Variants in URAD observed in about 807,000 individuals in gnomAD.
URAD encodes the protein ureidoimidazoline (2-oxo-4-hydroxy-4-carboxy-5-) decarboxylase, also known as putative 2-oxo-4-hydroxy-4-carboxy-5-ureidoimidazoline decarboxylase.
A neutral mutation model predicts 4.6 loss-of-function variants in URAD; 4 were observed. The ratio of observed to expected loss-of-function variants is 0.87; its 90% CI spans 0.43 to 1.98. URAD has a LOEUF of 1.98. URAD is among the 30% of genes most tolerant of loss of function. URAD has a pLI of 0.03. For synonymous variants in URAD, 144 were observed against 118.2 expected, an observed-to-expected ratio of 1.22 and a Z score of -1.41; for missense variants, 300 against 255.3, an observed-to-expected ratio of 1.18 and a Z score of -1.19.
chr13:27,982,344 C>A (rs1869901856), intron 1 of URAD, among the ~76,000 whole-genome samples: 1 of 152,082 alleles, frequency 6.6e-6, no homozygotes, highest in Admixed American at 6.6e-5. Context: ...TTACTTGAAC[C>A]CGGGAGGCGG....
chr13:27,988,269 T>C (rs1243270855), intron 1 of URAD, among the ~76,000 whole-genome samples, 194 bp downstream of exon 1: 1 of 152,094 alleles, frequency 6.6e-6, no homozygotes, highest in Non-Finnish European at 1.5e-5. Flanking sequence ...CTAAAAGCAA[T>C]TTTTGTAGCA....
chr13:27,979,885 G>C (rs1238946409), intron 1 of URAD, among the ~76,000 whole-genome samples: 1 of 152,190 alleles, frequency 6.6e-6, no homozygotes, highest in Non-Finnish European at 1.5e-5. Context: ...CCGTGTAAGA[G>C]AGGATTCAGT....
At chr13:27,978,701 G>C (rs1302167148) in intron 1 of URAD, among the ~76,000 whole-genome samples, 8 of 152,306 alleles carry the variant, frequency 5.3e-5, no homozygotes, top group African/African-American at 1.9e-4. Flanking sequence ...ACATTCGGTC[G>C]GGACCAGGAT....
chr13:27,988,379 A>T, intron 1 of URAD, 84 bp downstream of exon 1: 1 of 1,385,016 alleles, frequency 7.2e-7, no homozygotes, highest in Non-Finnish European at 9.7e-7. Context: ...GGTGTGAGCC[A>T]CCATTCCTGG....
rs1869766286 is a variant in URAD at position 27,978,166 on chromosome 13, C to T, written c.462G>A (p.Val154=). Residue 154 remains valine (V), a synonymous_variant, in exon 2 of 2, where the codon GTG becomes GTA. Coordinates refer to ENST00000332715, the MANE Select transcript of URAD (RefSeq NM_001105577.2). ...CCAGGCGCAGGCTGCCGATCTTCTT[C>T]ACCTCGCCCAGAGCAGTGCGCAGCT... ...AQELRTALGE[V]KKIGSLRLAD... 6.5e-7 allele frequency: 1 copy of T among 1,534,218 alleles called. No homozygotes were observed. The highest frequency in any genetic ancestry group is 8.7e-7 in the Non-Finnish European group (1 of 1,153,092).
At chr13:27,981,851 C>A (rs567680118) in intron 1 of URAD, among the ~76,000 whole-genome samples, 2 of 152,158 alleles carry the variant, frequency 1.3e-5, no homozygotes, top group African/African-American at 4.8e-5. Flanking sequence ...GCCTTAGAAT[C>A]CCTCATCCCA....
intron 1 of URAD, among the ~76,000 whole-genome samples, chr13:27,983,950 CTTA>C (rs1232104252): frequency 6.6e-6 from 1 of 152,202 alleles, no homozygotes; most frequent in East Asian, 1.9e-4. Flanking sequence ...TTATAAGGAA[CTTA>C]TTAGTATCCA....
intron 1 of URAD, among the ~76,000 whole-genome samples, chr13:27,982,281 T>C (rs1869899535): frequency 6.6e-6 from 1 of 152,034 alleles, no homozygotes; most frequent in African/African-American, 2.4e-5. Context: ...ATACAAAAAT[T>C]AGCTGGGCAT....
At chr13:27,980,470 C>T (rs1428007008) in intron 1 of URAD, among the ~76,000 whole-genome samples, 1 of 152,236 alleles carries the variant, frequency 6.6e-6, no homozygotes, top group African/African-American at 2.4e-5. Context: ...CGCGCTCACC[C>T]AGGCCCAGGA....
chr13:27,986,366 C>T (rs1340801554), intron 1 of URAD, among the ~76,000 whole-genome samples: 1 of 152,198 alleles, frequency 6.6e-6, no homozygotes, highest in Non-Finnish European at 1.5e-5. Context: ...GTCACGGGGG[C>T]ATCAAAACAA....
At chr13:27,987,941 A>G (rs1010041260) in intron 1 of URAD, among the ~76,000 whole-genome samples, 1 of 132,428 alleles carries the variant, frequency 7.6e-6, no homozygotes, top group Non-Finnish European at 1.6e-5. Flanking sequence ...TAGATTTTTA[A>G]AAACAACTTT....
At chr13:27,985,451 C>T (rs1239650567) in intron 1 of URAD, among the ~76,000 whole-genome samples, 2 of 152,092 alleles carry the variant, frequency 1.3e-5, no homozygotes, top group Non-Finnish European at 1.5e-5. Flanking sequence ...GAGTGAGCCT[C>T]TACCTCAATT....
chr13:27,978,246 G>C lies in URAD; in HGVS notation c.382C>G (p.Arg128Gly). 6.9e-7 allele frequency: 1 copy of C among 1,451,632 alleles called. No individual in the cohort carries two copies. Among genetic ancestry groups the C allele is most frequent in the Non-Finnish European group, 9.0e-7 (1 of 1,111,744 alleles). 89.9% of individuals were successfully genotyped at this position (1,451,632 alleles called of 1,614,324 possible). A position where few individuals can be genotyped will look rare whatever the true frequency, so the allele number is the denominator to read the frequency against. Residue 128 changes from arginine to glycine, a missense_variant, in exon 2 of 2, where the codon CGG becomes GGG. Arg to Gly is a moderately radical substitution (Grantham distance 125). Transcript: ENST00000332715. ...PFVLAARFSDRTAVPRELARR... is the reference protein window; with the variant it reads ...PFVLAARFSDGTAVPRELARR... ...GCCAGCTCGCGCGGCACCGCCGTCC[G>C]GTCGCTGAAGCGCGCGGCGAGCACG...
chr13:27,988,004 G>A (rs1406617885), intron 1 of URAD, among the ~76,000 whole-genome samples: 10 of 152,132 alleles, frequency 6.6e-5, no homozygotes, highest in Non-Finnish European at 2.9e-5. Flanking sequence ...CTGCCACCAG[G>A]CTGGAGTGCA....
rs1473081146 is a variant in URAD, at chr13:27,978,291, C to A, written c.337G>T (p.Ala113Ser). The A allele has an allele frequency of 2.1e-6, 3 of 1,401,556 alleles. No individual in the cohort carries two copies. The highest frequency in any genetic ancestry group is 2.8e-6 in the Non-Finnish European group (3 of 1,085,712). The allele number at this position is 1,401,556 out of a possible 1,614,324, so 86.8% of individuals were successfully genotyped here. A position where few individuals can be genotyped will look rare whatever the true frequency, so the allele number is the denominator to read the frequency against. The change falls in exon 2 of 2, where the codon GCG (alanine) becomes TCG (serine). Residue 113 changes from alanine (A) to serine (S), a missense_variant. Ala to Ser is a moderately conservative substitution (Grantham distance 99). Transcript: ENST00000332715. The part of the protein sequence containing the change: ...RLAELNAQYR[A>S]RFGFPFVLAA... ...AGCACGAAGGGGAAACCGAAGCGCG[C>A]GCGGTACTGCGCGTTGAGCTCGGCC...
chr13:27,987,885 A>AGATAGAT (rs917000821), intron 1 of URAD, among the ~76,000 whole-genome samples: 6 of 141,140 alleles, frequency 4.3e-5, no homozygotes, highest in African/African-American at 1.4e-4. Context: ...AGACTAAAAT[A>AGATAGAT]GATAGATGAT....
At chr13:27,978,719 C>G (rs1167147774) in intron 1 of URAD, among the ~76,000 whole-genome samples, 1 of 152,154 alleles carries the variant, frequency 6.6e-6, no homozygotes, top group Non-Finnish European at 1.5e-5. Flanking sequence ...GATCCAGGGG[C>G]GGGGCGGGAA....
chr13:27,979,752 A>G (rs974177832), intron 1 of URAD, among the ~76,000 whole-genome samples: 4 of 152,202 alleles, frequency 2.6e-5, no homozygotes, highest in African/African-American at 9.6e-5. Context: ...AACCCCCTGT[A>G]AGGTAGACGT....
At chr13:27,978,480 A>G (rs2137553786) in intron 1 of URAD, 28 bp from the exon 2 acceptor site, 8 of 1,295,486 alleles carry the variant, frequency 6.2e-6, no homozygotes, top group Non-Finnish European at 7.8e-6. Flanking sequence ...CACCGGCGGG[A>G]GCGCGTCAAC....
Sources: allele counts gnomAD v4.1 joint callset (sites outside exome capture counted in the v4.1 genomes callset), GRCh38; gene constraint gnomAD v4.1.1; transcripts MANE v1.5; gene names NCBI Gene and HGNC (gene_info 2026-07-23, HGNC 2026-07-21).